The following RBFOX3 variants were observed in gnomAD, a reference collection of about 807,000 sequenced individuals.
RBFOX3 encodes RNA binding fox-1 homolog 3, also known as RNA binding protein fox-1 homolog 3.
RBFOX3 carries 17 observed loss-of-function variants against 48.7 expected under a neutral mutation model. That is an observed-to-expected ratio of 0.35 (90% CI 0.24 to 0.52). RBFOX3 has a LOEUF of 0.52. Among genes scored for constraint, RBFOX3 ranks in the 20% least tolerant of loss-of-function variants. RBFOX3 has a pLI of 0.94. For missense variants in RBFOX3, 382 were observed against 497.5 expected (o/e 0.77, Z 2.21); for synonymous variants, 212 against 209.5 (o/e 1.01, Z -0.10).
intron 3 of RBFOX3, among the ~76,000 whole-genome samples, chr17:79,237,670 C>T (rs2061798283): frequency 6.6e-6 from 1 of 152,244 alleles, no homozygotes; most frequent in Non-Finnish European, 1.5e-5. Context: ...CCAGCCGCAT[C>T]AGGGAGGGCT....
intron 2 of RBFOX3, among the ~76,000 whole-genome samples, chr17:79,381,955 T>A (rs1415652912): frequency 6.6e-6 from 1 of 152,174 alleles, no homozygotes; most frequent in Non-Finnish European, 1.5e-5. Context: ...AAAACATATT[T>A]GACAAAACGT....
chr17:79,325,742 T>G (rs1469293752), intron 2 of RBFOX3, among the ~76,000 whole-genome samples: 1 of 152,202 alleles, frequency 6.6e-6, no homozygotes, highest in East Asian at 1.9e-4. Flanking sequence ...CCTCCCTGCT[T>G]TGAGCTCCAA....
chr17:79,644,548 A>T, the RBFOX3 span, among the ~76,000 whole-genome samples: 1 of 152,200 alleles, frequency 6.6e-6, no homozygotes, highest in African/African-American at 2.4e-5. Context: ...ATTTATCAAG[A>T]TCATAATATA....
chr17:79,462,772 T>C (rs983358734), intron 2 of RBFOX3, among the ~76,000 whole-genome samples: 2 of 152,110 alleles, frequency 1.3e-5, no homozygotes, highest in African/African-American at 4.8e-5. Context: ...ACTGGGGAAA[T>C]GACTACACAC....
intron 8 of RBFOX3, among the ~76,000 whole-genome samples, chr17:79,102,748 G>C (rs2076674197): frequency 6.6e-6 from 1 of 152,330 alleles, no homozygotes; most frequent in East Asian, 1.9e-4. Context: ...GCAGGGCCCA[G>C]ACTGGGCCAT....
chr17:79,106,687 G>A lies in RBFOX3; in HGVS notation c.324C>T (p.Phe108=). 6.7e-7 allele frequency: 1 copy of A among 1,489,548 alleles called. No individual in the cohort carries two copies. Among genetic ancestry groups the A allele is most frequent in the South Asian group, 1.3e-5 (1 of 74,648 alleles). The allele number at this position is 1,489,548 out of a possible 1,614,324, so 92.3% of individuals were successfully genotyped here. Residue 108 remains phenylalanine (F), a synonymous_variant, in exon 6 of 15, where the codon TTC becomes TTT. Transcript: ENST00000693108. ...PKRLHVSNIP[F]RFRDPDLRQM... is the part of the protein sequence containing the mutation. ...GCCGCAAGTCGGGGTCCCTGAACCG[G>A]AAGGGGATGTTGGAGACGTGTAGCC...
In RBFOX3 at chr17:79,212,010, C is replaced by T. The variant is rs1555609917; in HGVS notation, c.-34+23756G>A. ...CAGGAGGTTGTGGCCAGGCCAAGCTCCCGAAAGCTCTGGTCTCCTGGGGTC... is the reference window on the plus strand; with the variant it reads ...CAGGAGGTTGTGGCCAGGCCAAGCTTCCGAAAGCTCTGGTCTCCTGGGGTC... On this transcript the variant is annotated intron_variant, in intron 4 of 14. Coordinates refer to ENST00000693108, the MANE Select transcript of RBFOX3 (RefSeq NM_001350451.2). The surrounding 1 kb of genome is among the most constrained non-coding windows in gnomAD (Gnocchi z 4.7). Among the ~76,000 whole-genome samples the T allele has an allele frequency of 6.6e-6, 1 of 152,144 alleles. No individual in the cohort carries two copies. The highest frequency in any genetic ancestry group is 1.5e-5 in the Non-Finnish European group (1 of 68,010).
chr17:79,548,602 G>A (rs1214552935), intron 1 of RBFOX3, among the ~76,000 whole-genome samples: 1 of 152,244 alleles, frequency 6.6e-6, no homozygotes, highest in Non-Finnish European at 1.5e-5. Context: ...TGCTGGAGAG[G>A]GGCCCAGCTC....
At chr17:79,345,967 CTGGAA>C (rs2082853816) in intron 2 of RBFOX3, among the ~76,000 whole-genome samples, 3 of 152,146 alleles carry the variant, frequency 2.0e-5, no homozygotes, top group Admixed American at 1.3e-4. Context: ...TTCACCCAGG[CTGGAA>C]TGCAGTGGTG....
rs142704614 is a variant in RBFOX3, at chr17:79,410,603, C to T, written c.-175+71851G>A. Among the ~76,000 whole-genome samples, 392 of 152,298 alleles carry T rather than the reference C, an allele frequency of 2.6e-3. 4 individuals carry two copies. The highest frequency in any genetic ancestry group is 9.1e-3 in the African/African-American group (378 of 41,572). ...GATGGGGCAAAGGGGAACTTCTCCA[C>T]TGGTGGCGTGAAAGTGGAGGGGTCC... On this transcript the variant is annotated intron_variant, in intron 2 of 14. Transcript: ENST00000693108.
intron 2 of RBFOX3, among the ~76,000 whole-genome samples, chr17:79,332,024 G>A (rs542487326): frequency 1.0e-3 from 158 of 152,280 alleles, no homozygotes; most frequent in Non-Finnish European, 1.6e-3. Context: ...GAGCAACCAC[G>A]TGTCCAGACT....
intron 3 of RBFOX3, among the ~76,000 whole-genome samples, chr17:79,247,417 G>A (rs896493967): frequency 6.8e-6 from 1 of 147,044 alleles, no homozygotes; most frequent in Non-Finnish European, 1.5e-5. Flanking sequence ...GGTTCAAATG[G>A]TTTTCCTGTC....
Position 79,587,656 on chromosome 17 carries a change from A to G in RBFOX3, c.-320+23170T>C, listed in dbSNP as rs1032968574. On this transcript the variant is annotated intron_variant, in intron 1 of 14. Transcript: ENST00000693108. ...CCCCCCACGGAGCAGCAGGCTGGCC[A>G]GAAAGCTTCAGACCACAAGCTTCGG... Among the ~76,000 whole-genome samples the G allele has an allele frequency of 2.5e-3, 384 of 152,296 alleles. 6 individuals are homozygous for G. Among genetic ancestry groups the G allele is most frequent in the African/African-American group, 8.9e-3 (368 of 41,560 alleles).
At chr17:79,388,701 T>A (rs1198336885) in intron 2 of RBFOX3, among the ~76,000 whole-genome samples, 1 of 152,032 alleles carries the variant, frequency 6.6e-6, no homozygotes, top group Non-Finnish European at 1.5e-5. Flanking sequence ...CCGGCCAGGG[T>A]TCCCGGCAAG....
At chr17:79,118,968 CCT>C (rs1427320258) in intron 4 of RBFOX3, among the ~76,000 whole-genome samples, 5 of 145,098 alleles carry the variant, frequency 3.4e-5, no homozygotes, top group Non-Finnish European at 6.0e-5. Context: ...AGAGGAAACC[CCT>C]GTCTCAAAAA....
intron 1 of RBFOX3, among the ~76,000 whole-genome samples, chr17:79,484,614 G>T (rs1354216263): frequency 6.6e-6 from 1 of 151,974 alleles, no homozygotes; most frequent in Non-Finnish European, 1.5e-5. Context: ...CAGAGGTAGA[G>T]GACTCAGGTG....
chr17:79,412,073 C>T (rs1013709338), intron 2 of RBFOX3, among the ~76,000 whole-genome samples: 16 of 150,202 alleles, frequency 1.1e-4, no homozygotes, highest in African/African-American at 2.2e-4. Flanking sequence ...TGCGTGTAGA[C>T]GCATGCGTGT....
chr17:79,644,110 G>A, the RBFOX3 span, among the ~76,000 whole-genome samples: 1 of 152,060 alleles, frequency 6.6e-6, no homozygotes, highest in Non-Finnish European at 1.5e-5. Context: ...TAAATGAGAT[G>A]GACATATTTC....
At chr17:79,275,511 T>C (rs945769102) in intron 3 of RBFOX3, among the ~76,000 whole-genome samples, 3 of 152,036 alleles carry the variant, frequency 2.0e-5, no homozygotes, top group African/African-American at 7.2e-5. Context: ...ACATCCCCAA[T>C]ACCTGGAGGG....
Sources: allele counts gnomAD v4.1 joint callset (sites outside exome capture counted in the v4.1 genomes callset), GRCh38; gene constraint gnomAD v4.1.1; non-coding constraint Gnocchi (gnomAD v3.1); transcripts MANE v1.5; gene names NCBI Gene and HGNC (gene_info 2026-07-23, HGNC 2026-07-21).